Variants in COL26A1 observed in about 807,000 individuals in gnomAD.
COL26A1 encodes the protein collagen alpha-1(XXVI) chain.
A neutral mutation model predicts 59.3 loss-of-function variants in COL26A1; 41 were observed. The ratio of observed to expected loss-of-function variants is 0.69; its 90% CI spans 0.54 to 0.90. The LOEUF (loss-of-function observed/expected upper bound fraction) is 0.90. COL26A1 is among the 40% of genes least tolerant of loss of function. The probability of loss-of-function intolerance (pLI) is 0.00; values close to 1 mark genes in which losing one functional copy is unlikely to be tolerated. For missense variants in COL26A1, 612 were observed against 602.3 expected (o/e 1.02, Z -0.17); for synonymous variants, 266 against 256.0 (o/e 1.04, Z -0.37).
chr7:101,542,753 A>C (rs1436348734), intron 5 of COL26A1, among the ~76,000 whole-genome samples: 1 of 151,842 alleles, frequency 6.6e-6, no homozygotes, highest in Non-Finnish European at 1.5e-5. Flanking sequence ...AGGAGGGCCG[A>C]GCTCAGGTCT....
In COL26A1 at chr7:101,547,235, ACC is replaced by A; in HGVS notation, c.937_938del (p.Pro313ArgfsTer32). The A allele has an allele frequency of 6.3e-7, 1 of 1,576,184 alleles. No homozygotes were observed. ...VPGPRGPPGP[P>X]GPPGPRGPPG... ...CAGGACCCCGGGGTCCCCCTGGTCC[ACC>A]AGGTAAGTGAATGGTGGGCTGGCCT... On this transcript the variant is annotated frameshift_variant and splice_region_variant, in exon 8 of 13. Coordinates refer to ENST00000313669, the MANE Select transcript of COL26A1 (RefSeq NM_001278563.3). LOFTEE classifies it high-confidence loss of function.
intron 2 of COL26A1, among the ~76,000 whole-genome samples, chr7:101,428,927 T>TTTC (rs1270627886): frequency 1.0e-5 from 1 of 97,200 alleles, no homozygotes. Context: ...TCTTTCTTTC[T>TTTC]TTTTTTTTTT....
chr7:101,430,231 GT>G (rs1298125116), intron 2 of COL26A1, among the ~76,000 whole-genome samples: 5 of 151,964 alleles, frequency 3.3e-5, no homozygotes, highest in African/African-American at 7.2e-5. Context: ...ATTGTCAGTG[GT>G]ATTTTTTGGT....
intron 3 of COL26A1, among the ~76,000 whole-genome samples, chr7:101,514,016 A>G (rs965039655): frequency 5.9e-5 from 9 of 152,190 alleles, no homozygotes; most frequent in African/African-American, 2.2e-4. Context: ...GTCCAGTCTC[A>G]TTAACAATGT....
At chr7:101,377,035 G>C (rs1791334157) in intron 1 of COL26A1, among the ~76,000 whole-genome samples, 1 of 151,948 alleles carries the variant, frequency 6.6e-6, no homozygotes, top group African/African-American at 2.4e-5. Flanking sequence ...ACTGTTGTAT[G>C]TTTAGTAGAG....
chr7:101,441,309 T>C (rs539973695), intron 2 of COL26A1, among the ~76,000 whole-genome samples: 256 of 152,288 alleles, frequency 1.7e-3, no homozygotes, highest in Non-Finnish European at 2.9e-3. Context: ...TTGAAGCTAC[T>C]ATTATATTTA....
chr7:101,397,531 T>TC lies in COL26A1; in HGVS notation c.159-22437dup, dbSNP rs145665554. On this transcript the variant is annotated intron_variant, in intron 1 of 12. Transcript: ENST00000313669. ...CCCTTCCCTTCCCTTCCTTCTCTCC[T>TC]CCCCCCCCCTCCTTTTTTTTTTTGA... Among the ~76,000 whole-genome samples the TC allele has an allele frequency of 6.1e-3, 704 of 114,956 alleles. 1 individual carries two copies. The highest frequency in any genetic ancestry group is 8.2e-3 in the East Asian group (32 of 3,912). The allele number at this position is 114,956 out of a possible 152,430, so 75.4% of individuals were successfully genotyped here.
At chr7:101,547,754 T>C (rs1193535892) in intron 8 of COL26A1, among the ~76,000 whole-genome samples, 1 of 152,232 alleles carries the variant, frequency 6.6e-6, no homozygotes, top group Non-Finnish European at 1.5e-5. Context: ...CATTCTTTTA[T>C]TCATTCATTT....
At chr7:101,452,073 T>C (rs573586942) in intron 3 of COL26A1, among the ~76,000 whole-genome samples, 3 of 152,322 alleles carry the variant, frequency 2.0e-5, no homozygotes, top group South Asian at 2.1e-4. Context: ...TGAGCTGCAA[T>C]GCATAGTGAG....
chr7:101,473,621 C>T (rs1312410863), intron 3 of COL26A1, among the ~76,000 whole-genome samples: 1 of 48,562 alleles, frequency 2.1e-5, no homozygotes, highest in East Asian at 4.3e-4. Context: ...CACACACACA[C>T]ACACACACAC....
chr7:101,414,381 CCTCTCTCTCTCT>C (rs35093515), intron 1 of COL26A1, among the ~76,000 whole-genome samples: 1 of 145,486 alleles, frequency 6.9e-6, no homozygotes. Context: ...AGGAAAGTCA[CCTCTCTCTCTCT>C]CTCTCTCTCT....
intron 1 of COL26A1, among the ~76,000 whole-genome samples, chr7:101,367,151 T>G (rs1400457141): frequency 6.6e-6 from 1 of 152,198 alleles, no homozygotes; most frequent in East Asian, 1.9e-4. Flanking sequence ...TGGTCTCTAT[T>G]TGGGCTTGCT....
Position 101,535,603 on chromosome 7 carries a change from T to C in COL26A1, c.447+2460T>C, listed in dbSNP as rs563445387. On this transcript the variant is annotated intron_variant, in intron 4 of 12. Transcript: ENST00000313669. Reference sequence around the variant, plus strand: ...GCAGCAGGCCCGGGGCAGAGCTTTGTCCTGTGACCCTGAGTGAGAGGACTG... The same window carrying C: ...GCAGCAGGCCCGGGGCAGAGCTTTGCCCTGTGACCCTGAGTGAGAGGACTG... Among the ~76,000 whole-genome samples, 3 of 152,290 alleles carry C rather than the reference T, an allele frequency of 2.0e-5. No individual in the cohort carries two copies. In the East Asian group the frequency reaches 5.8e-4, roughly 29 times the overall value.
chr7:101,479,717 C>G (rs1405752638), intron 3 of COL26A1, among the ~76,000 whole-genome samples: 1 of 152,008 alleles, frequency 6.6e-6, no homozygotes, highest in Admixed American at 6.6e-5. Context: ...CAGATTTTGC[C>G]TCTTTATAAA....
intron 1 of COL26A1, among the ~76,000 whole-genome samples, chr7:101,402,581 TTC>T (rs1233798281): frequency 1.3e-5 from 2 of 151,884 alleles, no homozygotes; most frequent in African/African-American, 4.8e-5. Flanking sequence ...CTTTCCTTCA[TTC>T]TTTTTTCTTC....
chr7:101,376,176 G>T (rs1289482853), intron 1 of COL26A1, among the ~76,000 whole-genome samples: 2 of 151,464 alleles, frequency 1.3e-5, no homozygotes, highest in African/African-American at 4.9e-5. Context: ...GCCAGGTGTG[G>T]TGTTGAATGC....
At position 101,370,804 on chromosome 7, in the gene COL26A1, C is replaced by A. The variant is rs372016543; in HGVS notation, c.158+7614C>A. On this transcript the variant is annotated intron_variant, in intron 1 of 12. Coordinates refer to ENST00000313669, the MANE Select transcript of COL26A1 (RefSeq NM_001278563.3). ...AAAATGCCTCCCTCTTACCTTGACT[C>A]CCCCCTCTTTTGGTAGAACCACAAG... 1.8e-4 allele frequency among the ~76,000 whole-genome samples: 28 copies of A among 152,272 alleles called. 2 individuals carry two copies. The highest frequency in any genetic ancestry group is 5.5e-4 in the African/African-American group (23 of 41,556).
chr7:101,371,768 G>A (rs934984470), intron 1 of COL26A1, among the ~76,000 whole-genome samples: 1 of 152,154 alleles, frequency 6.6e-6, no homozygotes, highest in Non-Finnish European at 1.5e-5. Context: ...CTCCAGCCTG[G>A]GTGACAGAGT....
intron 1 of COL26A1, among the ~76,000 whole-genome samples, chr7:101,415,704 C>T (rs1210325991): frequency 6.6e-6 from 1 of 152,032 alleles, no homozygotes; most frequent in Non-Finnish European, 1.5e-5. Context: ...GATCATAGCT[C>T]TCTCCAGCCT....
Sources: allele counts gnomAD v4.1 joint callset (sites outside exome capture counted in the v4.1 genomes callset), GRCh38; gene constraint gnomAD v4.1.1; transcripts MANE v1.5; gene names NCBI Gene and HGNC (gene_info 2026-07-23, HGNC 2026-07-21).